BCAS3: variants seen among roughly 807,000 people sequenced by gnomAD.
BCAS3 encodes BCAS4/BCAS3 fusion.
In BCAS3, 53 loss-of-function variants were observed where a neutral mutation model predicts 116.1. That is an observed-to-expected ratio of 0.46 (90% confidence interval 0.37 to 0.57). BCAS3 has a LOEUF of 0.57. Ranked by LOEUF, BCAS3 falls within the 20% of genes least tolerant of loss-of-function variation. The pLI is 0.00. For synonymous variants in BCAS3, 391 were observed against 408.2 expected (o/e 0.96, Z 0.51); for missense variants, 917 against 1,165.4 (o/e 0.79, Z 3.10).
Position 60,967,430 on chromosome 17 carries a change from A to G in BCAS3, c.1221+20078A>G, listed in dbSNP as rs2061719098. ...CTGTTGCCAGACAAATTGGAGATACAGTGTTTGCTTCTTTTCTCGTGCTGT... is the reference window on the plus strand; with the variant it reads ...CTGTTGCCAGACAAATTGGAGATACGGTGTTTGCTTCTTTTCTCGTGCTGT... On this transcript the variant is annotated intron_variant, in intron 14 of 23. Transcript: ENST00000407086. This position sits in a 1 kb window ranked among gnomAD's most constrained non-coding sequence, Gnocchi z 4.7. Among the ~76,000 whole-genome samples, 1 of 152,124 alleles carries G rather than the reference A, an allele frequency of 6.6e-6. No homozygotes were observed. The highest frequency in any genetic ancestry group is 1.5e-5 in the Non-Finnish European group (1 of 68,010).
chr17:61,373,174 T>G (rs1275560589), intron 23 of BCAS3, among the ~76,000 whole-genome samples: 1 of 151,582 alleles, frequency 6.6e-6, no homozygotes, highest in East Asian at 1.9e-4. Context: ...CACTGCAACC[T>G]CCGTCTCTGG....
chr17:60,838,845 C>T (rs539479976), intron 7 of BCAS3, among the ~76,000 whole-genome samples: 25 of 152,252 alleles, frequency 1.6e-4, no homozygotes, highest in African/African-American at 4.8e-4. Flanking sequence ...CATTATGTTG[C>T]TCAGGCTGAA....
At chr17:60,968,268 T>C (rs2061764552) in intron 14 of BCAS3, among the ~76,000 whole-genome samples, 1 of 152,150 alleles carries the variant, frequency 6.6e-6, no homozygotes, top group African/African-American at 2.4e-5. Flanking sequence ...CAGGCTGGAG[T>C]ACAGTGGTGC....
rs2074108843 is a variant in BCAS3 at position 61,098,376 on chromosome 17, C to G, written c.2425+13812C>G. On this transcript the variant is annotated intron_variant, in intron 22 of 23. Transcript: ENST00000407086. This position sits in a 1 kb window ranked among gnomAD's most constrained non-coding sequence, Gnocchi z 4.2. ...AGAGAGTGATATTATAGGATTAGAA[C>G]ATTGTATTTTTGGTTTTGGGTGCTG... 6.6e-6 allele frequency among the ~76,000 whole-genome samples: 1 copy of G among 152,110 alleles called. No homozygotes were observed. Among genetic ancestry groups the G allele is most frequent in the Admixed American group, 6.6e-5 (1 of 15,264 alleles).
chr17:60,685,134 A>T (rs536867650), intron 3 of BCAS3, among the ~76,000 whole-genome samples: 2 of 152,204 alleles, frequency 1.3e-5, no homozygotes, highest in Non-Finnish European at 2.9e-5. Context: ...ATAACTTAAC[A>T]TTTTGCACAT....
Position 60,731,789 on chromosome 17 carries a change from T to C in BCAS3, c.322-15409T>C, listed in dbSNP as rs530151319. On this transcript the variant is annotated intron_variant, in intron 5 of 23. Coordinates refer to ENST00000407086, the MANE Select transcript of BCAS3 (RefSeq NM_017679.5). ...CGCTTATCACCCTCCTATTTTTTTT[T>C]TTTTTTTGAGGCAGAGTCTCATTTT... is the stretch of plus-strand genomic sequence containing the variant. Among the ~76,000 whole-genome samples, 692 of 151,586 alleles carry C rather than the reference T, an allele frequency of 4.6e-3. 6 individuals are homozygous for C. The highest frequency in any genetic ancestry group is 0.01 in the Middle Eastern group (3 of 292).
Position 61,381,476 on chromosome 17 carries a change from G to A in BCAS3, c.2594-10501G>A, listed in dbSNP as rs1200863066. Among the ~76,000 whole-genome samples, 5 of 152,054 alleles carry A rather than the reference G, an allele frequency of 3.3e-5. No individual in the cohort carries two copies. The highest frequency in any genetic ancestry group is 1.2e-4 in the African/African-American group (5 of 41,400). ...AGACACAGGCTGGGACCCCAAAGAGGGCAACAGAGGCCGTGCCCCAACACC... is the reference window on the plus strand; with the variant it reads ...AGACACAGGCTGGGACCCCAAAGAGAGCAACAGAGGCCGTGCCCCAACACC... On this transcript the variant is annotated intron_variant, in intron 23 of 23. Coordinates refer to ENST00000407086, the MANE Select transcript of BCAS3 (RefSeq NM_017679.5). This position sits in a 1 kb window ranked among gnomAD's most constrained non-coding sequence, Gnocchi z 6.0.
chr17:60,975,774 T>C (rs962647037), intron 14 of BCAS3, among the ~76,000 whole-genome samples: 1 of 152,186 alleles, frequency 6.6e-6, no homozygotes, highest in Non-Finnish European at 1.5e-5. Context: ...ACATTTCATA[T>C]AAAATGGAAT....
At chr17:60,687,398 G>A (rs958692024) in intron 3 of BCAS3, among the ~76,000 whole-genome samples, 2 of 152,130 alleles carry the variant, frequency 1.3e-5, no homozygotes, top group African/African-American at 2.4e-5. Context: ...GTGCCCAGGA[G>A]TACCAGACCA....
intron 7 of BCAS3, chr17:60,811,167 G>A: frequency 1.5e-6 from 1 of 649,786 alleles, no homozygotes; most frequent in African/African-American, 1.8e-5. Flanking sequence ...ACACCCTGCA[G>A]ATGGGGCAGA....
chr17:60,679,418 T>C (rs747196760), intron 1 of BCAS3, 35 bp from the exon 2 acceptor site: 4 of 1,507,696 alleles, frequency 2.7e-6, no homozygotes, highest in Non-Finnish European at 3.7e-6. Flanking sequence ...TCCATGTTTT[T>C]CTGTTTTTTG....
chr17:60,937,012 A>C (rs971767429), intron 13 of BCAS3, among the ~76,000 whole-genome samples: 6 of 152,140 alleles, frequency 3.9e-5, no homozygotes, highest in African/African-American at 1.2e-4. Flanking sequence ...GTAAGTCTTT[A>C]ATCCATCTTG....
intron 22 of BCAS3, among the ~76,000 whole-genome samples, chr17:61,271,733 A>G (rs1367842675): frequency 6.6e-6 from 1 of 151,872 alleles, no homozygotes; most frequent in Non-Finnish European, 1.5e-5. Context: ...CTAGGATTAC[A>G]GGTGTGAGCC....
chr17:61,045,965 A>T lies in BCAS3; in HGVS notation c.2029+5073A>T, dbSNP rs1295356616. On this transcript the variant is annotated intron_variant, in intron 19 of 23. Coordinates refer to ENST00000407086, the MANE Select transcript of BCAS3 (RefSeq NM_017679.5). ...ATATTATATATATAAATATATATAT[A>T]ATATATATATATTATATATATATTT... Among the ~76,000 whole-genome samples the T allele has an allele frequency of 5.6e-4, 6 of 10,630 alleles. 1 individual carries two copies. In the African/African-American group the frequency reaches 8.5e-3, roughly 15 times the overall value. 7.0% of individuals were successfully genotyped at this position (10,630 alleles called of 152,430 possible).
intron 4 of BCAS3, among the ~76,000 whole-genome samples, chr17:60,697,904 G>T (rs1171290683): frequency 6.6e-6 from 1 of 152,172 alleles, no homozygotes; most frequent in East Asian, 1.9e-4. Context: ...AATAGGCCGG[G>T]TACGATGGCT....
At chr17:60,710,639 G>A (rs1009697172) in intron 5 of BCAS3, among the ~76,000 whole-genome samples, 1 of 151,770 alleles carries the variant, frequency 6.6e-6, no homozygotes, top group East Asian at 1.9e-4. Flanking sequence ...CACCACGTTA[G>A]CCAGGATGAT....
chr17:61,219,467 G>A lies in BCAS3; in HGVS notation c.2425+134903G>A, dbSNP rs2081987989. Among the ~76,000 whole-genome samples, 1 of 152,110 alleles carries A rather than the reference G, an allele frequency of 6.6e-6. No homozygotes were observed. The highest frequency in any genetic ancestry group is 6.5e-5 in the Admixed American group (1 of 15,274). On this transcript the variant is annotated intron_variant, in intron 22 of 23. Transcript: ENST00000407086. This position sits in a 1 kb window ranked among gnomAD's most constrained non-coding sequence, Gnocchi z 5.2. Reference sequence around the variant, plus strand: ...CATATTACTGGTGCTGCCAGCTCAGGGAGTTTATGAAATTTTGATGTAGAA... The same window carrying A: ...CATATTACTGGTGCTGCCAGCTCAGAGAGTTTATGAAATTTTGATGTAGAA...
At position 61,214,858 on chromosome 17, in the gene BCAS3, T is replaced by C. The variant is rs1318263047; in HGVS notation, c.2425+130294T>C. ...GTATGTTCTAGCTAAGGGTGTACTA[T>C]AAAGGTGGTAACCAGTAGCTAGCAA... On this transcript the variant is annotated intron_variant, in intron 22 of 23. Coordinates refer to ENST00000407086, the MANE Select transcript of BCAS3 (RefSeq NM_017679.5). This position sits in a 1 kb window ranked among gnomAD's most constrained non-coding sequence, Gnocchi z 4.4. Among the ~76,000 whole-genome samples the C allele has an allele frequency of 1.1e-4, 16 of 152,178 alleles. No individual in the cohort carries two copies.
rs962252743 is a variant in BCAS3, at chr17:61,217,207, C to T, written c.2425+132643C>T. On this transcript the variant is annotated intron_variant, in intron 22 of 23. Transcript: ENST00000407086. This position sits in a 1 kb window ranked among gnomAD's most constrained non-coding sequence, Gnocchi z 5.2. ...CTGAGGCAGGAGAATCGCTTGAACC[C>T]AGGAGGCGGAGGTTGCAGTGAGCTG... Among the ~76,000 whole-genome samples the T allele has an allele frequency of 1.3e-5, 2 of 152,110 alleles. No individual in the cohort carries two copies. Among genetic ancestry groups the T allele is most frequent in the African/African-American group, 2.4e-5 (1 of 41,432 alleles).
Sources: allele counts gnomAD v4.1 joint callset (sites outside exome capture counted in the v4.1 genomes callset), GRCh38; gene constraint gnomAD v4.1.1; non-coding constraint Gnocchi (gnomAD v3.1); transcripts MANE v1.5; gene names NCBI Gene and HGNC (gene_info 2026-07-23, HGNC 2026-07-21).